Variants in CHSY3 observed in about 807,000 individuals in gnomAD.
CHSY3 encodes chondroitin sulfate synthase 3.
CHSY3 carries 35 observed loss-of-function variants against 67.2 expected under a neutral mutation model. That is an observed-to-expected ratio of 0.52 (90% CI 0.40 to 0.69). The LOEUF is 0.69. CHSY3 is among the 30% of genes least tolerant of loss of function. CHSY3 has a pLI of 0.00. For missense variants in CHSY3, 1,069 were observed against 1,138.5 expected (o/e 0.94, Z 0.88); for synonymous variants, 474 against 434.7 (o/e 1.09, Z -1.12).
At chr5:130,041,832 C>G (rs1200338144) in intron 2 of CHSY3, among the ~76,000 whole-genome samples, 1 of 152,084 alleles carries the variant, frequency 6.6e-6, no homozygotes, top group African/African-American at 2.4e-5. Flanking sequence ...GTGAAAGTTT[C>G]TCTTAATACA....
At chr5:129,998,042 G>A (rs2149636076) in intron 2 of CHSY3, among the ~76,000 whole-genome samples, 1 of 152,198 alleles carries the variant, frequency 6.6e-6, no homozygotes, top group East Asian at 1.9e-4. Flanking sequence ...CGATTGCTGG[G>A]TCAAATGGTA....
intron 2 of CHSY3, among the ~76,000 whole-genome samples, chr5:129,975,157 C>T (rs903765880): frequency 6.6e-6 from 1 of 152,028 alleles, no homozygotes; most frequent in African/African-American, 2.4e-5. Context: ...AGCACACCAA[C>T]ATGGCACATG....
chr5:129,973,239 CTTTCCAAA>C (rs1158554796), intron 2 of CHSY3, among the ~76,000 whole-genome samples: 4 of 152,038 alleles, frequency 2.6e-5, no homozygotes, highest in Non-Finnish European at 4.4e-5. Flanking sequence ...AGATCATAAG[CTTTCCAAA>C]AAGAACATAT....
At chr5:130,141,354 G>A in intron 2 of CHSY3, 2 of 379,960 alleles carry the variant, frequency 5.3e-6, no homozygotes, top group Admixed American at 6.8e-5. Flanking sequence ...ATTTATCAAG[G>A]AGAGAGTGCC....
chr5:129,911,657 G>T (rs1367086128), intron 2 of CHSY3, among the ~76,000 whole-genome samples: 1 of 151,974 alleles, frequency 6.6e-6, no homozygotes, highest in African/African-American at 2.4e-5. Flanking sequence ...ACATCAAAAG[G>T]GTCAAAATAA....
At chr5:130,009,454 G>T (rs767217226) in intron 2 of CHSY3, among the ~76,000 whole-genome samples, 1 of 151,708 alleles carries the variant, frequency 6.6e-6, no homozygotes, top group East Asian at 1.9e-4. Flanking sequence ...CCTTTGAAGA[G>T]GTCCTTAAAG....
intron 2 of CHSY3, among the ~76,000 whole-genome samples, chr5:130,091,146 G>GCACACACA (rs148312347): frequency 0.011 from 1,607 of 149,502 alleles, 28 homozygotes; most frequent in African/African-American, 0.037. Flanking sequence ...GCACACGCGC[G>GCACACACA]CACACACACA....
chr5:130,122,169 A>G (rs534592510), intron 2 of CHSY3, among the ~76,000 whole-genome samples: 2 of 152,378 alleles, frequency 1.3e-5, no homozygotes, highest in Non-Finnish European at 2.9e-5. Context: ...ATATATACAT[A>G]TATACATACA....
At chr5:130,001,971 C>T in intron 2 of CHSY3, 1 of 876,598 alleles carries the variant, frequency 1.1e-6, no homozygotes, top group Non-Finnish European at 1.4e-6. Flanking sequence ...CTTATATTGG[C>T]TACAATAAGC....
At chr5:130,048,040 G>A (rs1427393557) in intron 2 of CHSY3, among the ~76,000 whole-genome samples, 1 of 148,068 alleles carries the variant, frequency 6.8e-6, no homozygotes, top group South Asian at 2.1e-4. Flanking sequence ...AAGGAAAGAG[G>A]AAAAGTTTTA....
chr5:129,966,295 C>G (rs1762465955), intron 2 of CHSY3, among the ~76,000 whole-genome samples: 1 of 151,760 alleles, frequency 6.6e-6, no homozygotes, highest in South Asian at 2.1e-4. Context: ...AAGTGATTGG[C>G]AAGTGAAAAT....
chr5:129,907,417 G>A (rs985777102), intron 1 of CHSY3, among the ~76,000 whole-genome samples: 1 of 152,122 alleles, frequency 6.6e-6, no homozygotes, highest in African/African-American at 2.4e-5. Flanking sequence ...TTATTCCAAT[G>A]TATCACTTGG....
intron 2 of CHSY3, among the ~76,000 whole-genome samples, chr5:129,964,092 G>A (rs1354956221): frequency 6.6e-6 from 1 of 151,924 alleles, no homozygotes; most frequent in Non-Finnish European, 1.5e-5. Flanking sequence ...CATCAAGGAA[G>A]TCTGTGCTGG....
chr5:130,081,769 G>A (rs1273624789), intron 2 of CHSY3, among the ~76,000 whole-genome samples: 2 of 152,002 alleles, frequency 1.3e-5, no homozygotes, highest in Non-Finnish European at 1.5e-5. Context: ...CTGTGTGATT[G>A]GGAGGCCTCC....
chr5:129,905,759 C>T, intron 1 of CHSY3, 128 bp downstream of exon 1: 4 of 1,491,810 alleles, frequency 2.7e-6, no homozygotes, highest in Non-Finnish European at 3.6e-6. Context: ...CCCACAGGCC[C>T]TGGCCCGCCC....
chr5:129,933,048 A>C (rs1248400856), intron 2 of CHSY3, among the ~76,000 whole-genome samples: 7 of 152,304 alleles, frequency 4.6e-5, no homozygotes, highest in Non-Finnish European at 8.8e-5. Context: ...AACAGATCTA[A>C]AAAATGCTTT....
chr5:130,082,506 T>G (rs1023187494), intron 2 of CHSY3, among the ~76,000 whole-genome samples: 1 of 152,090 alleles, frequency 6.6e-6, no homozygotes, highest in Non-Finnish European at 1.5e-5. Flanking sequence ...CTCTTAACGA[T>G]GTAAGCACGG....
chr5:130,166,092 T>G (rs1769738792), intron 2 of CHSY3, among the ~76,000 whole-genome samples: 1 of 152,168 alleles, frequency 6.6e-6, no homozygotes, highest in African/African-American at 2.4e-5. Flanking sequence ...CTTTGCTTCT[T>G]TATAAAATAT....
chr5:130,140,586 G>A (rs1768830269), intron 2 of CHSY3: 1 of 480,556 alleles, frequency 2.1e-6, no homozygotes, highest in African/African-American at 2.0e-5. Context: ...AAAAAGGTTG[G>A]AGCTGAAAGA....
Sources: allele counts gnomAD v4.1 joint callset (sites outside exome capture counted in the v4.1 genomes callset), GRCh38; gene constraint gnomAD v4.1.1; transcripts MANE v1.5; gene names NCBI Gene and HGNC (gene_info 2026-07-23, HGNC 2026-07-21).